Variants in HSPG2 observed in about 807,000 individuals in gnomAD.
HSPG2 encodes the protein basement membrane-specific heparan sulfate proteoglycan core protein.
In HSPG2, 278 loss-of-function variants were observed where a neutral mutation model predicts 526.6. The observed-to-expected ratio is 0.53, with a 90% CI of 0.48 to 0.58. HSPG2 has a LOEUF of 0.58. Among genes scored for constraint, HSPG2 ranks in the 20% least tolerant of loss-of-function variants. HSPG2 has a pLI of 0.00. For synonymous variants in HSPG2, 2,465 were observed against 2,555.4 expected (o/e 0.96, Z 1.07); for missense variants, 5,354 against 6,099.5 (o/e 0.88, Z 4.07).
At position 21,884,639 on chromosome 1, in the gene HSPG2, T is replaced by C; in HGVS notation, c.1543A>G (p.Ser515Gly). 6.2e-7 allele frequency: 1 copy of C among 1,611,722 alleles called. No homozygotes were observed. The highest frequency in any genetic ancestry group is 1.1e-5 in the South Asian group (1 of 91,004). The change falls in exon 13 of 97, where the codon AGC (serine) becomes GGC (glycine). Residue 515 changes from serine (S) to glycine (G), a missense_variant. By Grantham distance (56) the Ser-to-Gly change is moderately conservative. Transcript: ENST00000374695. ...CPDGHFYLEH[S>G]AACLPCFCFG... ...CAGAAGCAGGGCAGGCAGGCGGCGC[T>C]GTGCTCCAGGTAGAAGTGGCCGTCA...
At chr1:21,928,257 A>C (rs771055028) in intron 1 of HSPG2, among the ~76,000 whole-genome samples, 6 of 152,224 alleles carry the variant, frequency 3.9e-5, no homozygotes, top group Non-Finnish European at 8.8e-5. Context: ...AGACAAGTCA[A>C]AAAGGGCAGA....
chr1:21,916,752 TTAAA>T (rs1643896668), intron 1 of HSPG2, among the ~76,000 whole-genome samples: 1 of 152,108 alleles, frequency 6.6e-6, no homozygotes, highest in African/African-American at 2.4e-5. Context: ...AAATTTTGCA[TTAAA>T]TAGTCACGTG....
intron 1 of HSPG2, among the ~76,000 whole-genome samples, chr1:21,926,984 G>A (rs555025271): frequency 6.6e-6 from 1 of 152,254 alleles, no homozygotes; most frequent in East Asian, 1.9e-4. Flanking sequence ...AGGACCAGGA[G>A]GTGGGGGCCG....
intron 33 of HSPG2, chr1:21,870,141 G>C (rs1640535123): frequency 1.5e-6 from 1 of 650,536 alleles, no homozygotes; most frequent in South Asian, 6.8e-5. Flanking sequence ...TCAGGTGCCT[G>C]CCTGGACTCA....
rs1276727621 is a variant in HSPG2, at chr1:21,887,709, C to T, written c.704-35G>A. 1 of 1,613,756 alleles carries T rather than the reference C, an allele frequency of 6.2e-7. No homozygotes were observed. Among genetic ancestry groups the T allele is most frequent in the Non-Finnish European group, 8.5e-7 (1 of 1,179,928 alleles). ...GATTCCGCTTGGCATTTGGCAGAAG[C>T]AGATGGCTCCTCACCTGCTCCTTGT... On this transcript the variant is annotated intron_variant, in intron 7 of 96. Coordinates refer to ENST00000374695, the MANE Select transcript of HSPG2 (RefSeq NM_005529.7). This position sits in a 1 kb window ranked among gnomAD's most constrained non-coding sequence, Gnocchi z 5.0.
In HSPG2 at chr1:21,890,495, G is replaced by T. The variant is rs1355373476; in HGVS notation, c.355-10C>A. ...AGTACTCCGACTCCAGCTGGGGAGGGACACAGTGCCATCAGCCCCAGAGGC... is the reference window on the plus strand; with the variant it reads ...AGTACTCCGACTCCAGCTGGGGAGGTACACAGTGCCATCAGCCCCAGAGGC... On this transcript the variant is annotated splice_polypyrimidine_tract_variant and intron_variant, in intron 4 of 96. Coordinates refer to ENST00000374695, the MANE Select transcript of HSPG2 (RefSeq NM_005529.7). This position sits in a 1 kb window ranked among gnomAD's most constrained non-coding sequence, Gnocchi z 4.1. 16 of 1,613,576 alleles carry T rather than the reference G, an allele frequency of 9.9e-6. No homozygotes were observed. Among genetic ancestry groups the T allele is most frequent in the Non-Finnish European group, 1.2e-5 (14 of 1,179,882 alleles).
In HSPG2 at chr1:21,855,803, G is replaced by A; in HGVS notation, c.5685C>T (p.Pro1895=). ...CGGCCTCACCTGTCCACTCGAGGGT[G>A]GGCGTGGGGCTCCCTGTGGCGCTGC... is the stretch of plus-strand genomic sequence containing the variant. ...FRCSATGSPT[P]TLEWTGGPGG... is the part of the protein sequence containing the mutation. Residue 1895 remains proline, a synonymous_variant, in exon 45 of 97, where the codon CCC becomes CCT. Coordinates refer to ENST00000374695, the MANE Select transcript of HSPG2 (RefSeq NM_005529.7). 1 of 1,613,232 alleles carries A rather than the reference G, an allele frequency of 6.2e-7. No homozygotes were observed. Among genetic ancestry groups the A allele is most frequent in the Non-Finnish European group, 8.5e-7 (1 of 1,179,902 alleles).
rs771626158 is a variant in HSPG2 at position 21,829,442 on chromosome 1, T to C, written c.11933A>G (p.Asp3978Gly). The part of the protein sequence containing the change: ...FSGGKSGPVE[D>G]FVSLAMVGGH... ...GCCCACCATCGCCAGGGACACGAAG[T>C]CCTCCACAGGCCCGCTCTTCCCCCC... is the stretch of plus-strand genomic sequence containing the variant. The change falls in exon 87 of 97, where the codon GAC becomes GGC. Residue 3978 changes from aspartate (D) to glycine (G), a missense_variant. Asp to Gly is a moderately conservative substitution (Grantham distance 94). Coordinates refer to ENST00000374695, the MANE Select transcript of HSPG2 (RefSeq NM_005529.7). The C allele has an allele frequency of 9.3e-6, 15 of 1,613,136 alleles. No individual in the cohort carries two copies. Among genetic ancestry groups the C allele is most frequent in the Non-Finnish European group, 1.1e-5 (13 of 1,179,846 alleles).
chr1:21,889,886 G>A (rs759853487), intron 6 of HSPG2, 95 bp downstream of exon 6: 1 of 1,243,714 alleles, frequency 8.0e-7, no homozygotes, highest in South Asian at 1.2e-5. Context: ...GTTTCTAGTG[G>A]TGTGCAAGCC....
intron 67 of HSPG2, 147 bp from the exon 68 acceptor site, chr1:21,842,527 C>T: frequency 9.5e-7 from 1 of 1,056,764 alleles, no homozygotes; most frequent in Non-Finnish European, 1.3e-6. Context: ...TTCACAGAAT[C>T]CTAGAGGTCC....
In HSPG2 at chr1:21,885,340, C is replaced by G. The variant is rs558798136; in HGVS notation, c.1190G>C (p.Arg397Pro). ...HCDEESDCPD[R>P]SDEFGCMPPQ... ...CTCACTGCAGCCAAACTCGTCGCTC[C>G]GGTCAGGACAGTCGCTCTCCTCGTC... Residue 397 changes from arginine to proline, a missense_variant, in exon 10 of 97, where the codon CGG (arginine) becomes CCG (proline). Arg to Pro is a moderately radical substitution (Grantham distance 103). Coordinates refer to ENST00000374695, the MANE Select transcript of HSPG2 (RefSeq NM_005529.7). 1.2e-6 allele frequency: 2 copies of G among 1,614,084 alleles called. No individual in the cohort carries two copies. Among genetic ancestry groups the G allele is most frequent in the East Asian group, 2.2e-5 (1 of 44,878 alleles).
At position 21,829,556 on chromosome 1, in the gene HSPG2, G is replaced by A. The variant is rs764345932; in HGVS notation, c.11819C>T (p.Ala3940Val). The A allele has an allele frequency of 2.5e-6, 4 of 1,611,372 alleles. No individual in the cohort carries two copies. The African/African-American group carries it at 5.3e-5, about 22-fold the overall frequency. The change falls in exon 87 of 97, where the codon GCA (alanine) becomes GTA (valine). Residue 3940 changes from alanine to valine, a missense_variant. Transcript: ENST00000374695. ...PSLSGAGSYL[A>V]LPALTNTHHE... ...GTGTGTGTTGGTGAGGGCGGGCAGT[G>A]CCAGGTAGGAGCCAGCACCCGACAG...
At chr1:21,896,686 G>A (rs569008683) in intron 1 of HSPG2, among the ~76,000 whole-genome samples, 5 of 152,234 alleles carry the variant, frequency 3.3e-5, no homozygotes, top group African/African-American at 7.2e-5. Flanking sequence ...CTCGGGCAGC[G>A]CAGATGGGGG....
rs1640101001 is a variant in HSPG2, at chr1:21,864,845, G to T, written c.4624C>A (p.Gln1542Lys). 6.2e-7 allele frequency: 1 copy of T among 1,608,832 alleles called. No homozygotes were observed. The highest frequency in any genetic ancestry group is 8.5e-7 in the Non-Finnish European group (1 of 1,178,358). The change falls in exon 36 of 97, where the codon CAG (glutamine) becomes AAG (lysine). Residue 1542 changes from glutamine (Q) to lysine (K), a missense_variant and splice_region_variant. Transcript: ENST00000374695. This position sits in a 1 kb window ranked among gnomAD's most constrained non-coding sequence, Gnocchi z 4.8. ...CPPGYIGLSC[Q>K]DCAPGYTRTG... ...GGTGGAGCTGGCCACACACTCACCT[G>T]GCAGGACAGACCGATGTAGCCTGGC...
intron 33 of HSPG2, among the ~76,000 whole-genome samples, chr1:21,867,937 C>A (rs144785728): frequency 6.6e-6 from 1 of 152,066 alleles, no homozygotes; most frequent in Non-Finnish European, 1.5e-5. Flanking sequence ...CCCATGTTGG[C>A]CAGGCTGGTC....
intron 65 of HSPG2, among the ~76,000 whole-genome samples, 157 bp downstream of exon 65, chr1:21,843,991 C>T (rs931700740): frequency 2.0e-5 from 3 of 152,242 alleles, no homozygotes; most frequent in Admixed American, 6.5e-5. Context: ...GGTGGCCCTG[C>T]TGTGCCCAGC....
chr1:21,882,695 A>G (rs1030563245), intron 13 of HSPG2, among the ~76,000 whole-genome samples: 2 of 152,190 alleles, frequency 1.3e-5, no homozygotes, highest in Admixed American at 6.5e-5. Flanking sequence ...TTCAATTTAA[A>G]GAGCCACACA....
At chr1:21,871,624 G>A (rs1305743151) in intron 33 of HSPG2, among the ~76,000 whole-genome samples, 2 of 152,162 alleles carry the variant, frequency 1.3e-5, no homozygotes, top group South Asian at 4.1e-4. Flanking sequence ...TCCCAGCTGC[G>A]GGGCTTTGGG....
At chr1:21,874,304 G>T in intron 28 of HSPG2, 102 bp downstream of exon 28, 1 of 1,486,712 alleles carries the variant, frequency 6.7e-7, no homozygotes. Context: ...GTAAGGCCAG[G>T]ATTTAACCAC....
Sources: allele counts gnomAD v4.1 joint callset (sites outside exome capture counted in the v4.1 genomes callset), GRCh38; gene constraint gnomAD v4.1.1; non-coding constraint Gnocchi (gnomAD v3.1); transcripts MANE v1.5; gene names NCBI Gene and HGNC (gene_info 2026-07-23, HGNC 2026-07-21).